Variants in DARS2 observed in about 807,000 individuals in gnomAD.
The protein encoded by DARS2 is aspartate--tRNA ligase, mitochondrial.
DARS2 carries 63 observed loss-of-function variants against 83.0 expected under a neutral mutation model. The ratio of observed to expected loss-of-function variants is 0.76; its 90% CI spans 0.62 to 0.94. The LOEUF (loss-of-function observed/expected upper bound fraction) is 0.94, where lower values mean the gene tolerates loss of function less well. Ranked by LOEUF, DARS2 falls within the 40% of genes least tolerant of loss-of-function variation. The pLI is 0.00. For missense variants in DARS2, 675 were observed against 774.4 expected (o/e 0.87, Z 1.52); for synonymous variants, 250 against 269.3 (o/e 0.93, Z 0.70).
rs751549926 is a variant in DARS2, at chr1:173,840,933, C to G, written c.1088C>G (p.Pro363Arg). ...TTTCTTCAAGATGCACTTAGTAAGC[C>G]CCATGGAACTGTGAAAGCCATATGT... ...IGFLQDALSK[P>R]HGTVKAICIP... The change falls in exon 11 of 17, where the codon CCC (proline) becomes CGC (arginine). Residue 363 changes from proline (P) to arginine (R), a missense_variant. Physicochemically the swap from Pro to Arg is moderately radical, Grantham distance 103. Coordinates refer to ENST00000649689, the MANE Select transcript of DARS2 (RefSeq NM_018122.5). 1 of 1,612,538 alleles carries G rather than the reference C, an allele frequency of 6.2e-7. No homozygotes were observed. Among genetic ancestry groups the G allele is most frequent in the Non-Finnish European group, 8.5e-7 (1 of 1,178,668 alleles).
chr1:173,850,807 G>A (rs1384782526), intron 13 of DARS2, among the ~76,000 whole-genome samples: 1 of 151,726 alleles, frequency 6.6e-6, no homozygotes, highest in Non-Finnish European at 1.5e-5. Context: ...GTTTCACCAT[G>A]TTGCCCAGAC....
chr1:173,837,134 A>G, intron 8 of DARS2, 88 bp downstream of exon 8: 1 of 1,182,408 alleles, frequency 8.5e-7, no homozygotes, highest in South Asian at 1.2e-5. Context: ...CTCTGTTCTC[A>G]AGAGAAGGAT....
chr1:173,843,767 C>T (rs1653319601), intron 11 of DARS2, among the ~76,000 whole-genome samples: 1 of 152,132 alleles, frequency 6.6e-6, no homozygotes, highest in Non-Finnish European at 1.5e-5. Flanking sequence ...CTGGTTTGAC[C>T]ACCACAGTAC....
chr1:173,857,519 G>T lies in DARS2; in HGVS notation c.1752G>T (p.Gly584=), dbSNP rs775204532. ...GTTATCTTTGTATTTTACTCACAGG[G>T]TTAGACAGACTGATATGCCTTGTCA... The part of the protein sequence containing the change: ...GAPPHGGIAL[G]LDRLICLVTG... The change falls in exon 17 of 17, where the codon GGG becomes GGT. Residue 584 remains glycine (G), a splice_region_variant and synonymous_variant. Transcript: ENST00000649689. 2 of 1,613,838 alleles carry T rather than the reference G, an allele frequency of 1.2e-6. No individual in the cohort carries two copies. Among genetic ancestry groups the T allele is most frequent in the Admixed American group, 1.7e-5 (1 of 60,004 alleles).
In DARS2 at chr1:173,837,036, G is replaced by A. The variant is rs766714463; in HGVS notation, c.760G>A (p.Gly254Ser). The A allele has an allele frequency of 1.8e-5, 29 of 1,613,422 alleles. No homozygotes were observed. Among genetic ancestry groups the A allele is most frequent in the Admixed American group, 5.0e-5 (3 of 59,988 alleles). ...QQFKQLLMVG[G>S]LDRYFQVARC... Reference sequence around the variant, plus strand: ...GTTTAAGCAACTTCTGATGGTTGGCGGTTTAGACAGGTGAGCTTTTTTTAT... The same window carrying A: ...GTTTAAGCAACTTCTGATGGTTGGCAGTTTAGACAGGTGAGCTTTTTTTAT... Residue 254 changes from glycine (G) to serine (S), a missense_variant, in exon 8 of 17, where the codon GGT (glycine) becomes AGT (serine). Coordinates refer to ENST00000649689, the MANE Select transcript of DARS2 (RefSeq NM_018122.5).
At position 173,825,165 on chromosome 1, in the gene DARS2, A is replaced by T; in HGVS notation, c.-65A>T. 1 of 1,592,870 alleles carries T rather than the reference A, an allele frequency of 6.3e-7. No individual in the cohort carries two copies. Among genetic ancestry groups the T allele is most frequent in the East Asian group, 2.3e-5 (1 of 43,728 alleles). ...TAAGGGATTTCTGTGTATTTCCAAA[A>T]CTGACTTTTAACTACCGGCAGCGTG... On this transcript the variant is annotated 5_prime_UTR_variant, in exon 1 of 17. Coordinates refer to ENST00000649689, the MANE Select transcript of DARS2 (RefSeq NM_018122.5).
At chr1:173,836,236 TAATA>T (rs1356197516) in intron 7 of DARS2, among the ~76,000 whole-genome samples, 1 of 151,298 alleles carries the variant, frequency 6.6e-6, no homozygotes, top group Non-Finnish European at 1.5e-5. Flanking sequence ...AAATTTTTTT[TAATA>T]AATAAAAATG....
chr1:173,828,551 A>G (rs762603493), intron 3 of DARS2, 152 bp downstream of exon 3: 12 of 772,638 alleles, frequency 1.6e-5, no homozygotes, highest in Admixed American at 1.3e-4. Flanking sequence ...AGACATAGCA[A>G]AAAGACCAGT....
chr1:173,845,350 A>G, intron 12 of DARS2, 59 bp downstream of exon 12: 1 of 1,091,968 alleles, frequency 9.2e-7, no homozygotes, highest in Non-Finnish European at 1.4e-6. Flanking sequence ...TTTAACTATT[A>G]TTAACTAAAC....
intron 15 of DARS2, among the ~76,000 whole-genome samples, 155 bp downstream of exon 15, chr1:173,854,060 C>T (rs928791500): frequency 2.0e-5 from 3 of 152,184 alleles, no homozygotes; most frequent in Admixed American, 2.0e-4. Flanking sequence ...ACTGCAATCT[C>T]AGTCTCCTGT....
Position 173,850,176 on chromosome 1 carries a change from C to T in DARS2, c.1192-151C>T, listed in dbSNP as rs1366634312. Reference sequence around the variant, plus strand: ...CTACTTTATAAAATTCCCTTAGTATCATTTTGAATGGGTTCATGGAGATAA... The same window carrying T: ...CTACTTTATAAAATTCCCTTAGTATTATTTTGAATGGGTTCATGGAGATAA... On this transcript the variant is annotated intron_variant, in intron 12 of 16. Transcript: ENST00000649689. 4 of 897,814 alleles carry T rather than the reference C, an allele frequency of 4.5e-6. No individual in the cohort carries two copies. The African/African-American group carries it at 5.2e-5, about 12-fold the overall frequency. The allele number at this position is 897,814 out of a possible 1,614,324, so 55.6% of individuals were successfully genotyped here.
intron 12 of DARS2, among the ~76,000 whole-genome samples, chr1:173,847,937 C>T (rs546705069): frequency 6.6e-6 from 1 of 150,520 alleles, no homozygotes; most frequent in East Asian, 2.0e-4. Flanking sequence ...ACTGCAAGCT[C>T]CGCCTCCCAG....
intron 12 of DARS2, among the ~76,000 whole-genome samples, chr1:173,847,219 C>G (rs1420764129): frequency 6.6e-6 from 1 of 152,092 alleles, no homozygotes; most frequent in African/African-American, 2.4e-5. Context: ...AAAGAACTAT[C>G]CTTTTTTTCT....
intron 5 of DARS2, among the ~76,000 whole-genome samples, chr1:173,832,838 T>A (rs1458741160): frequency 1.2e-4 from 18 of 151,686 alleles, no homozygotes; most frequent in Non-Finnish European, 2.5e-4. Flanking sequence ...GGAGATTCCA[T>A]CCACTGTCCC....
chr1:173,856,643 CTGAATTATCTTT>C lies in DARS2; in HGVS notation c.1675-16_1675-5del. On this transcript the variant is annotated splice_polypyrimidine_tract_variant and intron_variant, in intron 15 of 16. Transcript: ENST00000649689. ...AGTGGACCTTCAAAATATATTTAAACTGAATTATCTTTTGAATTTCAGGAGGATGTGAAAATG... is the reference window on the plus strand; with the variant it reads ...AGTGGACCTTCAAAATATATTTAAACTGAATTTCAGGAGGATGTGAAAATG... 1 of 1,608,314 alleles carries C rather than the reference CTGAATTATCTTT, an allele frequency of 6.2e-7. No homozygotes were observed. Among genetic ancestry groups the C allele is most frequent in the Non-Finnish European group, 8.5e-7 (1 of 1,174,882 alleles).
Position 173,853,378 on chromosome 1 carries a change from A to G in DARS2, c.1374A>G (p.Glu458=). Reference sequence around the variant, plus strand: ...CTTTGTTAGGAAAATTACGACTGGAATGTGCTGACCTTCTAGAAACAAGAG... The same window carrying G: ...CTTTGTTAGGAAAATTACGACTGGAGTGTGCTGACCTTCTAGAAACAAGAG... ...ACSLLGKLRL[E]CADLLETRGV... is the part of the protein sequence containing the mutation. Residue 458 remains glutamate (E), a synonymous_variant, in exon 14 of 17, where the codon GAA becomes GAG. Coordinates refer to ENST00000649689, the MANE Select transcript of DARS2 (RefSeq NM_018122.5). The G allele has an allele frequency of 2.5e-6, 4 of 1,613,960 alleles. No individual in the cohort carries two copies. The highest frequency in any genetic ancestry group is 3.4e-6 in the Non-Finnish European group (4 of 1,180,026).
At chr1:173,826,197 C>T (rs1652549942) in intron 1 of DARS2, among the ~76,000 whole-genome samples, 1 of 150,732 alleles carries the variant, frequency 6.6e-6, no homozygotes, top group African/African-American at 2.4e-5. Flanking sequence ...GCACTCCAGC[C>T]TGGGCGACAG....
chr1:173,851,572 A>T (rs1653669793), intron 13 of DARS2, among the ~76,000 whole-genome samples: 1 of 152,178 alleles, frequency 6.6e-6, no homozygotes, highest in Non-Finnish European at 1.5e-5. Flanking sequence ...GTAGGTGATG[A>T]GTGCCATCAT....
Position 173,853,964 on chromosome 1 carries a change from T to C in DARS2, c.1674+59T>C. On this transcript the variant is annotated intron_variant, in intron 15 of 16. Transcript: ENST00000649689. ...TTTTTACCAGAATATTTTTCAGTTT[T>C]GTGTTGTTGTTGTTGTTTGCTTGTT... The C allele has an allele frequency of 4.1e-6, 6 of 1,447,730 alleles. No individual in the cohort carries two copies. The South Asian group carries it at 5.8e-5, about 14-fold the overall frequency. The allele number at this position is 1,447,730 out of a possible 1,614,324, so 89.7% of individuals were successfully genotyped here.
Sources: allele counts gnomAD v4.1 joint callset (sites outside exome capture counted in the v4.1 genomes callset), GRCh38; gene constraint gnomAD v4.1.1; transcripts MANE v1.5; gene names NCBI Gene and HGNC (gene_info 2026-07-23, HGNC 2026-07-21).